The following THSD7A variants were observed in gnomAD, a reference collection of about 807,000 sequenced individuals.
THSD7A encodes thrombospondin type-1 domain-containing protein 7A.
Under a neutral mutation model 231.3 loss-of-function variants are expected in THSD7A, and 96 were observed. The ratio of observed to expected loss-of-function variants is 0.41; its 90% CI spans 0.35 to 0.49. The LOEUF (loss-of-function observed/expected upper bound fraction) is 0.49, where lower values mean the gene tolerates loss of function less well. THSD7A is among the 20% of genes least tolerant of loss of function. The pLI, the probability that THSD7A is intolerant of heterozygous loss-of-function variation, is 0.05. For missense variants in THSD7A, 2,290 were observed against 2,070.2 expected, an observed-to-expected ratio of 1.11 and a Z score of -2.06; for synonymous variants, 940 against 743.3, an observed-to-expected ratio of 1.26 and a Z score of -4.30.
intron 22 of THSD7A, among the ~76,000 whole-genome samples, chr7:11,403,269 TC>T (rs1471453377): frequency 1.3e-5 from 2 of 152,152 alleles, no homozygotes; most frequent in African/African-American, 2.4e-5. Context: ...TGGAAAAACT[TC>T]TTGTGTCATG....
intron 6 of THSD7A, among the ~76,000 whole-genome samples, chr7:11,529,155 G>T (rs988581731): frequency 1.4e-4 from 21 of 152,020 alleles, no homozygotes; most frequent in African/African-American, 5.1e-4. Context: ...TATAAGTTTG[G>T]TCAAACTCAC....
intron 4 of THSD7A, among the ~76,000 whole-genome samples, chr7:11,543,995 TATA>T (rs1789264134): frequency 1.3e-5 from 2 of 152,138 alleles, no homozygotes; most frequent in South Asian, 4.1e-4. Context: ...TATCTATCTA[TATA>T]ATATCTGTCT....
intron 26 of THSD7A, among the ~76,000 whole-genome samples, chr7:11,378,384 A>G (rs953848639): frequency 6.6e-5 from 10 of 152,184 alleles, no homozygotes; most frequent in Non-Finnish European, 1.5e-4. Context: ...TGAGGAGGGA[A>G]AGTGTGCAGA....
Position 11,636,279 on chromosome 7 carries a change from T to C in THSD7A, c.873A>G (p.Val291=). The C allele has an allele frequency of 1.2e-6, 2 of 1,614,064 alleles. No homozygotes were observed. The highest frequency in any genetic ancestry group is 1.1e-5 in the South Asian group (1 of 91,092). The part of the protein sequence containing the change: ...KEREKDRSKG[V]KDPEARELIK... ...TAAGCTCGCGGGCTTCTGGATCCTT[T>C]ACTCCTTTGCTGCGGTCCTTTTCCC... The change falls in exon 2 of 28, where the codon GTA becomes GTG. Residue 291 remains valine (V), a synonymous_variant. Transcript: ENST00000423059. This position sits in a 1 kb window ranked among gnomAD's most constrained non-coding sequence, Gnocchi z 10.0.
intron 4 of THSD7A, among the ~76,000 whole-genome samples, chr7:11,570,372 G>A (rs1248529384): frequency 6.6e-6 from 1 of 152,136 alleles, no homozygotes; most frequent in Non-Finnish European, 1.5e-5. Context: ...AGGGGGATGA[G>A]AAGAGGATGG....
intron 13 of THSD7A, among the ~76,000 whole-genome samples, chr7:11,432,544 T>G (rs950771981): frequency 6.6e-6 from 1 of 152,072 alleles, no homozygotes; most frequent in Non-Finnish European, 1.5e-5. Flanking sequence ...TTTTAAAAAT[T>G]TCATGTAAAT....
At chr7:11,522,511 T>C (rs1788308423) in intron 6 of THSD7A, among the ~76,000 whole-genome samples, 1 of 152,202 alleles carries the variant, frequency 6.6e-6, no homozygotes, top group Admixed American at 6.5e-5. Context: ...ATCTTTTCAT[T>C]TGACTGCTTT....
intron 1 of THSD7A, among the ~76,000 whole-genome samples, chr7:11,769,147 A>ATTTTTT (rs1562541356): frequency 1.4e-4 from 5 of 35,640 alleles, no homozygotes; most frequent in African/African-American, 4.3e-4. Flanking sequence ...ATATATATAT[A>ATTTTTT]TATATATTTT....
intron 6 of THSD7A, among the ~76,000 whole-genome samples, chr7:11,503,281 C>T (rs774216388): frequency 2.5e-4 from 38 of 152,166 alleles, no homozygotes; most frequent in Non-Finnish European, 4.6e-4. Flanking sequence ...GAAGCTGGAC[C>T]CCTTTCTTAT....
At chr7:11,610,846 T>C (rs1351585022) in intron 2 of THSD7A, among the ~76,000 whole-genome samples, 4 of 152,160 alleles carry the variant, frequency 2.6e-5, no homozygotes, top group African/African-American at 7.2e-5. Flanking sequence ...TTGTTGGCTA[T>C]ATTTTTATCT....
intron 6 of THSD7A, among the ~76,000 whole-genome samples, chr7:11,486,578 TGTAG>T (rs1786667904): frequency 7.4e-6 from 1 of 135,244 alleles, no homozygotes; most frequent in African/African-American, 2.8e-5. Context: ...CTATCACTGG[TGTAG>T]GTATGAACCA....
At chr7:11,761,703 CTCTT>C in intron 1 of THSD7A, among the ~76,000 whole-genome samples, 1 of 152,238 alleles carries the variant, frequency 6.6e-6, no homozygotes, top group South Asian at 2.1e-4. Flanking sequence ...GTCACAAACT[CTCTT>C]TTAAACTGCT....
At chr7:11,675,586 CATCCACCAT>C (rs1783604466) in intron 1 of THSD7A, among the ~76,000 whole-genome samples, 1 of 152,146 alleles carries the variant, frequency 6.6e-6, no homozygotes, top group East Asian at 1.9e-4. Context: ...GGGGAAGGGG[CATCCACCAT>C]TACTGAAGCT....
rs779923048 is a variant in THSD7A at position 11,406,958 on chromosome 7, C to A, written c.4014G>T (p.Lys1338Asn). 5.6e-6 allele frequency: 9 copies of A among 1,613,742 alleles called. No homozygotes were observed. Among genetic ancestry groups the A allele is most frequent in the Non-Finnish European group, 7.6e-6 (9 of 1,179,848 alleles). ...GGCCATATTGCCACCGATAACAAGGCTTCACTGGGCAGGGTTTGGACTGGT... is the reference window on the plus strand; with the variant it reads ...GGCCATATTGCCACCGATAACAAGGATTCACTGGGCAGGGTTTGGACTGGT... Reference protein sequence around the residue: ...LMDQSKPCPVKPCYRWQYGQW... With the variant: ...LMDQSKPCPVNPCYRWQYGQW... Residue 1338 changes from lysine (K) to asparagine (N), a missense_variant, in exon 21 of 28, where the codon AAG becomes AAT. Transcript: ENST00000423059. This position sits in a 1 kb window ranked among gnomAD's most constrained non-coding sequence, Gnocchi z 4.7.
In THSD7A at chr7:11,563,852, C is replaced by A. The variant is rs545625539; in HGVS notation, c.1454-20735G>T. ...TTCATCCCTGGCCATCCTGCTTGAT[C>A]ATAGATCGCATCCTCTTTGCACGTG... On this transcript the variant is annotated intron_variant, in intron 4 of 27. Transcript: ENST00000423059. 3.9e-5 allele frequency among the ~76,000 whole-genome samples: 6 copies of A among 152,312 alleles called. No individual in the cohort carries two copies. In the East Asian group the frequency reaches 1.2e-3, roughly 29 times the overall value.
chr7:11,661,053 G>C (rs1307435039), intron 1 of THSD7A, among the ~76,000 whole-genome samples: 1 of 151,276 alleles, frequency 6.6e-6, no homozygotes, highest in Admixed American at 6.6e-5. Flanking sequence ...AAAACTTTTA[G>C]CAGGAGAATG....
At chr7:11,523,880 A>T (rs960906767) in intron 6 of THSD7A, among the ~76,000 whole-genome samples, 3 of 152,140 alleles carry the variant, frequency 2.0e-5, no homozygotes, top group South Asian at 2.1e-4. Flanking sequence ...ATTGTACACA[A>T]TTTTTTTAAA....
At chr7:11,529,869 G>C (rs1583914301) in intron 6 of THSD7A, among the ~76,000 whole-genome samples, 1 of 152,054 alleles carries the variant, frequency 6.6e-6, no homozygotes, top group African/African-American at 2.4e-5. Flanking sequence ...TCTCTCTATT[G>C]AACCCACCTT....
Position 11,382,555 on chromosome 7 carries a change from C to T in THSD7A, c.4473G>A (p.Val1491=). The T allele has an allele frequency of 6.2e-7, 1 of 1,612,910 alleles. No individual in the cohort carries two copies. Residue 1491 remains valine, a synonymous_variant, in exon 24 of 28, where the codon GTG becomes GTA. Coordinates refer to ENST00000423059, the MANE Select transcript of THSD7A (RefSeq NM_015204.3). ...TTATACCATCTGACCTTTGACACCACACTGTTCGGGAAGAGCCCTTCCAAG... is the reference window on the plus strand; with the variant it reads ...TTATACCATCTGACCTTTGACACCATACTGTTCGGGAAGAGCCCTTCCAAG... ...ASAWKGSSRT[V]WCQRSDGINV...
Sources: gnomAD v4.1 joint callset for allele counts (sites outside exome capture counted in the v4.1 genomes callset) on GRCh38, gnomAD v4.1.1 for gene constraint, Gnocchi (gnomAD v3.1) non-coding constraint, MANE v1.5 for transcripts, NCBI Gene and HGNC (gene_info 2026-07-23, HGNC 2026-07-21) for gene names.